GABRA1: variants seen among roughly 807,000 people sequenced by gnomAD.
The protein encoded by GABRA1 is gamma-aminobutyric acid type A receptor subunit alpha1, also known as gamma-aminobutyric acid receptor subunit alpha-1.
GABRA1 carries 9 observed loss-of-function variants against 48.9 expected under a neutral mutation model. The observed-to-expected ratio is 0.18, with a 90% CI of 0.11 to 0.32. The LOEUF (loss-of-function observed/expected upper bound fraction) is 0.32, where lower values mean the gene tolerates loss of function less well. GABRA1 is among the 10% of genes least tolerant of loss of function. The pLI, the probability that GABRA1 is intolerant of heterozygous loss-of-function variation, is 1.00. For synonymous variants in GABRA1, 210 were observed against 198.7 expected, an observed-to-expected ratio of 1.06 and a Z score of -0.48; for missense variants, 285 against 553.8, an observed-to-expected ratio of 0.51 and a Z score of 4.87.
At chr5:161,894,502 C>G (rs1280664418) in intron 8 of GABRA1, among the ~76,000 whole-genome samples, 2 of 152,070 alleles carry the variant, frequency 1.3e-5, no homozygotes. Flanking sequence ...CAAGTCATCC[C>G]TTTTACAGAT....
chr5:161,868,030 T>G (rs931709746), intron 4 of GABRA1, among the ~76,000 whole-genome samples: 3 of 151,058 alleles, frequency 2.0e-5, no homozygotes, highest in Non-Finnish European at 2.9e-5. Context: ...GGTGATAGGT[T>G]TAGGAGCCTA....
intron 2 of GABRA1, among the ~76,000 whole-genome samples, chr5:161,852,191 C>A (rs1271515578): frequency 6.6e-6 from 1 of 151,952 alleles, no homozygotes; most frequent in Non-Finnish European, 1.5e-5. Flanking sequence ...GCAGTGGTCT[C>A]TTTGGGCATC....
intron 3 of GABRA1, among the ~76,000 whole-genome samples, chr5:161,861,728 G>A (rs1757866704): frequency 1.3e-5 from 2 of 151,920 alleles, no homozygotes; most frequent in Admixed American, 6.6e-5. Flanking sequence ...AATCAGGTCA[G>A]CAGGGAGCTG....
chr5:161,858,686 A>G (rs542928564), intron 3 of GABRA1, among the ~76,000 whole-genome samples: 1 of 151,926 alleles, frequency 6.6e-6, no homozygotes, highest in African/African-American at 2.4e-5. Context: ...AAATTAGGGC[A>G]GATACTTCTT....
chr5:161,867,728 C>T (rs1753934389), intron 4 of GABRA1, among the ~76,000 whole-genome samples: 1 of 152,090 alleles, frequency 6.6e-6, no homozygotes, highest in Non-Finnish European at 1.5e-5. Flanking sequence ...AAATCAAATA[C>T]TTCCGCAGAG....
intron 4 of GABRA1, among the ~76,000 whole-genome samples, chr5:161,871,781 A>G (rs1754131984): frequency 6.6e-6 from 1 of 152,176 alleles, no homozygotes; most frequent in East Asian, 1.9e-4. Flanking sequence ...TCTTGTCTAC[A>G]AAGACAGTCT....
At chr5:161,882,238 T>C (rs1754648576) in intron 6 of GABRA1, 1 of 380,656 alleles carries the variant, frequency 2.6e-6, no homozygotes, top group African/African-American at 2.1e-5. Context: ...TTTGCTTATA[T>C]GTTTTTGTCC....
chr5:161,874,605 C>T (rs769082355), intron 5 of GABRA1, among the ~76,000 whole-genome samples: 2 of 152,046 alleles, frequency 1.3e-5, no homozygotes, highest in Admixed American at 6.6e-5. Flanking sequence ...CTTTCATCTC[C>T]TAAAATTTTC....
At chr5:161,871,881 T>C (rs1348866838) in intron 4 of GABRA1, among the ~76,000 whole-genome samples, 1 of 152,288 alleles carries the variant, frequency 6.6e-6, no homozygotes, top group African/African-American at 2.4e-5. Flanking sequence ...TAATTGTTAG[T>C]TACTTGATCA....
At chr5:161,873,070 C>T in intron 4 of GABRA1, 47 bp from the exon 5 acceptor site, 1 of 1,425,454 alleles carries the variant, frequency 7.0e-7, no homozygotes, top group Non-Finnish European at 9.9e-7. Context: ...ATTTGCATTG[C>T]AAAATACAGC....
intron 7 of GABRA1, among the ~76,000 whole-genome samples, chr5:161,888,327 T>A (rs373858936): frequency 2.0e-5 from 3 of 152,100 alleles, no homozygotes; most frequent in African/African-American, 7.2e-5. Flanking sequence ...CTTTTCTTCC[T>A]TATTTGAAAG....
chr5:161,875,721 C>T (rs1377675586), intron 6 of GABRA1, 79 bp downstream of exon 6: 21 of 1,089,972 alleles, frequency 1.9e-5, no homozygotes, highest in Admixed American at 1.5e-4. Context: ...GAGAAAAACG[C>T]GTAGATAAGG....
chr5:161,855,759 T>C (rs1056628723), intron 3 of GABRA1, among the ~76,000 whole-genome samples: 1 of 151,378 alleles, frequency 6.6e-6, no homozygotes, highest in African/African-American at 2.4e-5. Context: ...GCAAGACTTT[T>C]GAAAATACTG....
rs569700605 is a variant in GABRA1 at position 161,867,524 on chromosome 5, C to T, written c.255+1736C>T. Among the ~76,000 whole-genome samples, 27 of 152,256 alleles carry T rather than the reference C, an allele frequency of 1.8e-4. No homozygotes were observed. In the East Asian group the frequency reaches 4.0e-3, roughly 23 times the overall value. ...GAACAAATTGCTTAAGCTTCTAAGG[C>T]TCAAAGTCTTTCAAATGTATATATT... On this transcript the variant is annotated intron_variant, in intron 4 of 9. Coordinates refer to ENST00000393943, the MANE Select transcript of GABRA1 (RefSeq NM_001127644.2).
rs1755105378 is a variant in GABRA1, at chr5:161,891,849, A to G, written c.856+799A>G. 1.3e-5 allele frequency among the ~76,000 whole-genome samples: 2 copies of G among 152,210 alleles called. 1 individual carries two copies. The highest frequency in any genetic ancestry group is 1.3e-4 in the Admixed American group (2 of 15,276). On this transcript the variant is annotated intron_variant, in intron 8 of 9. Transcript: ENST00000393943. ...TCACCACTCTCGTTATGAAAATTGC[A>G]TTCTGAAGCTTAAAATTGAGTAATC...
intron 3 of GABRA1, among the ~76,000 whole-genome samples, chr5:161,859,030 T>C (rs903833890): frequency 6.6e-6 from 1 of 151,748 alleles, no homozygotes; most frequent in Non-Finnish European, 1.5e-5. Flanking sequence ...CCTACCTTTA[T>C]CCCTGCTACA....
At chr5:161,896,167 T>C (rs951003911) in intron 9 of GABRA1, among the ~76,000 whole-genome samples, 1 of 152,184 alleles carries the variant, frequency 6.6e-6, no homozygotes, top group Non-Finnish European at 1.5e-5. Flanking sequence ...ATGAACCTGA[T>C]ATTAGGAGCA....
chr5:161,857,216 G>A (rs1757684269), intron 3 of GABRA1, among the ~76,000 whole-genome samples: 2 of 151,286 alleles, frequency 1.3e-5, no homozygotes, highest in African/African-American at 4.8e-5. Context: ...TCTTTATTAT[G>A]ACAAAAGTCT....
At chr5:161,880,797 T>C (rs1215919411) in intron 6 of GABRA1, among the ~76,000 whole-genome samples, 1 of 152,190 alleles carries the variant, frequency 6.6e-6, no homozygotes, top group Non-Finnish European at 1.5e-5. Context: ...TCACATCTTT[T>C]TTCAGACAGC....
Sources: gnomAD v4.1 joint callset for allele counts (sites outside exome capture counted in the v4.1 genomes callset) on GRCh38, gnomAD v4.1.1 for gene constraint, MANE v1.5 for transcripts, NCBI Gene and HGNC (gene_info 2026-07-23, HGNC 2026-07-21) for gene names.